Variants in CNTNAP2 observed in about 807,000 individuals in gnomAD.
CNTNAP2 encodes contactin-associated protein-like 2.
A neutral mutation model predicts 155.2 loss-of-function variants in CNTNAP2; 98 were observed. That is an observed-to-expected ratio of 0.63 (90% confidence interval 0.54 to 0.75). The LOEUF (loss-of-function observed/expected upper bound fraction) is 0.75. Ranked by LOEUF, CNTNAP2 falls within the 30% of genes least tolerant of loss-of-function variation. CNTNAP2 has a pLI of 0.00. For missense variants in CNTNAP2, 1,727 were observed against 1,688.1 expected, an observed-to-expected ratio of 1.02 and a Z score of -0.40; for synonymous variants, 651 against 631.2, an observed-to-expected ratio of 1.03 and a Z score of -0.47.
chr7:147,832,142 T>A (rs977971252), intron 13 of CNTNAP2, among the ~76,000 whole-genome samples: 5 of 147,414 alleles, frequency 3.4e-5, no homozygotes, highest in Non-Finnish European at 7.5e-5. Flanking sequence ...TTTATATTTT[T>A]AAATAAATAT....
At chr7:148,152,175 T>C (rs930634938) in intron 17 of CNTNAP2, among the ~76,000 whole-genome samples, 1 of 151,938 alleles carries the variant, frequency 6.6e-6, no homozygotes, top group African/African-American at 2.4e-5. Context: ...GTTATTGCAG[T>C]AAATAAAGCG....
intron 15 of CNTNAP2, among the ~76,000 whole-genome samples, chr7:148,097,733 C>T (rs951216050): frequency 1.3e-5 from 2 of 152,120 alleles, no homozygotes; most frequent in Admixed American, 6.5e-5. Flanking sequence ...AAGCCCTCCT[C>T]GGCTGTTAGA....
At chr7:147,620,260 A>C (rs1190155380) in intron 12 of CNTNAP2, among the ~76,000 whole-genome samples, 1 of 152,160 alleles carries the variant, frequency 6.6e-6, no homozygotes, top group African/African-American at 2.4e-5. Context: ...CTAGCTTTTT[A>C]ATGCCCAGAC....
At chr7:147,516,679 CAG>C (rs1316822814) in intron 11 of CNTNAP2, among the ~76,000 whole-genome samples, 3 of 150,580 alleles carry the variant, frequency 2.0e-5, no homozygotes, top group African/African-American at 7.3e-5. Context: ...AACATCATAA[CAG>C]AATATGAAGC....
chr7:147,261,912 T>A (rs945093775), intron 8 of CNTNAP2, among the ~76,000 whole-genome samples: 11 of 152,326 alleles, frequency 7.2e-5, no homozygotes, highest in African/African-American at 2.6e-4. Context: ...CAGAAGATAA[T>A]TAAGAATCAT....
At chr7:146,795,906 C>T (rs1157780978) in intron 2 of CNTNAP2, among the ~76,000 whole-genome samples, 3 of 152,014 alleles carry the variant, frequency 2.0e-5, no homozygotes, top group Non-Finnish European at 4.4e-5. Flanking sequence ...CTTAAATGTC[C>T]ATAAACATCA....
chr7:146,457,557 G>T (rs1796575661), intron 1 of CNTNAP2, among the ~76,000 whole-genome samples: 1 of 134,512 alleles, frequency 7.4e-6, no homozygotes, highest in African/African-American at 2.9e-5. Flanking sequence ...CTGGAGTGGT[G>T]CAGTGGCACG....
At chr7:146,445,568 T>C (rs1348576324) in intron 1 of CNTNAP2, among the ~76,000 whole-genome samples, 1 of 152,166 alleles carries the variant, frequency 6.6e-6, no homozygotes, top group Non-Finnish European at 1.5e-5. Flanking sequence ...CATTTCCCCA[T>C]TAGAGAATCA....
chr7:147,949,440 GTA>G (rs57422437), intron 14 of CNTNAP2, among the ~76,000 whole-genome samples: 15 of 127,394 alleles, frequency 1.2e-4, no homozygotes, highest in South Asian at 2.9e-4. Flanking sequence ...TCAACTGTGT[GTA>G]TATATATATA....
At chr7:147,725,415 T>C (rs1046067450) in intron 13 of CNTNAP2, among the ~76,000 whole-genome samples, 4 of 152,118 alleles carry the variant, frequency 2.6e-5, no homozygotes, top group African/African-American at 7.2e-5. Context: ...CAATCTTTTC[T>C]TCTTAATGCT....
intron 10 of CNTNAP2, among the ~76,000 whole-genome samples, chr7:147,448,484 G>GTATATATATATATATA (rs10683190): frequency 1.8e-4 from 26 of 143,446 alleles, no homozygotes; most frequent in African/African-American, 5.7e-4. Context: ...GTGTGTGTGT[G>GTATATATATATATATA]TATATATATA....
In CNTNAP2 at chr7:147,057,306, C is replaced by T. The variant is rs1799580828; in HGVS notation, c.550+13252C>T. On this transcript the variant is annotated intron_variant, in intron 4 of 23. Transcript: ENST00000361727. ...AAGCCTGCTTCATCCATCACCTGAC[C>T]TTCCATAATGACTCTATATCACCTC... 1.3e-5 allele frequency among the ~76,000 whole-genome samples: 2 copies of T among 152,136 alleles called. 1 individual carries two copies. Among genetic ancestry groups the T allele is most frequent in the Non-Finnish European group, 2.9e-5 (2 of 68,036 alleles).
intron 18 of CNTNAP2, chr7:148,190,772 G>A (rs369365465): frequency 2.0e-5 from 3 of 151,580 alleles, no homozygotes; most frequent in East Asian, 1.9e-4. Context: ...GCGGCCACTG[G>A]TACAAGTTCT....
chr7:147,865,497 G>A (rs1001799051), intron 13 of CNTNAP2, among the ~76,000 whole-genome samples: 1 of 152,200 alleles, frequency 6.6e-6, no homozygotes, highest in Admixed American at 6.5e-5. Context: ...GTTTCAGAAG[G>A]AATGATACCA....
intron 13 of CNTNAP2, among the ~76,000 whole-genome samples, chr7:147,765,690 C>G (rs1396194020): frequency 6.6e-6 from 1 of 151,700 alleles, no homozygotes; most frequent in South Asian, 2.1e-4. Context: ...GTAAAAAAAA[C>G]ATGTGGTTAT....
At chr7:146,618,963 G>A (rs559235562) in intron 1 of CNTNAP2, among the ~76,000 whole-genome samples, 87 of 151,856 alleles carry the variant, frequency 5.7e-4, no homozygotes, top group African/African-American at 2.0e-3. Flanking sequence ...CCAGCTACTC[G>A]GGAGGCTGAG....
At chr7:147,355,695 G>T (rs1192896995) in intron 9 of CNTNAP2, among the ~76,000 whole-genome samples, 2 of 152,006 alleles carry the variant, frequency 1.3e-5, no homozygotes, top group African/African-American at 4.8e-5. Flanking sequence ...TAGAAGAAAT[G>T]GATAAATTCC....
At chr7:147,296,806 A>G (rs1805456367) in intron 8 of CNTNAP2, among the ~76,000 whole-genome samples, 1 of 152,100 alleles carries the variant, frequency 6.6e-6, no homozygotes, top group Admixed American at 6.6e-5. Flanking sequence ...TAATAAGGAG[A>G]TTGTTACTAT....
intron 3 of CNTNAP2, among the ~76,000 whole-genome samples, chr7:146,914,365 C>G (rs1412636090): frequency 6.6e-6 from 1 of 152,070 alleles, no homozygotes; most frequent in Non-Finnish European, 1.5e-5. Context: ...TTTAAGGAAT[C>G]TCCACACTGT....
Sources: gnomAD v4.1 joint callset for allele counts (sites outside exome capture counted in the v4.1 genomes callset) on GRCh38, gnomAD v4.1.1 for gene constraint, MANE v1.5 for transcripts, NCBI Gene and HGNC (gene_info 2026-07-23, HGNC 2026-07-21) for gene names.